LYPLAL1: variants seen among roughly 807,000 people sequenced by gnomAD.
LYPLAL1 encodes lysophospholipase-like protein 1.
A neutral mutation model predicts 19.7 loss-of-function variants in LYPLAL1; 23 were observed. The observed-to-expected ratio is 1.17, with a 90% CI of 0.84 to 1.65. The LOEUF is 1.65. Ranked by LOEUF, LYPLAL1 falls within the 40% of genes most tolerant of loss-of-function variation. The pLI is 0.00. For synonymous variants in LYPLAL1, 119 were observed against 96.3 expected, an observed-to-expected ratio of 1.24 and a Z score of -1.38; for missense variants, 355 against 279.4, an observed-to-expected ratio of 1.27 and a Z score of -1.93.
rs757530334 is a variant in LYPLAL1 at position 219,211,505 on chromosome 1, G to A, written c.491G>A (p.Ser164Asn). ...CTTCTTCTCTAGGCTCTTCAGAAGA[G>A]TAATGGTGTACTTCCTGAATTATTT... ...ASAVYQALQKSNGVLPELFQC... is the reference protein window; with the variant it reads ...ASAVYQALQKNNGVLPELFQC... Residue 164 changes from serine to asparagine, a missense_variant, in exon 5 of 5, where the codon AGT (serine) becomes AAT (asparagine). Ser to Asn is a conservative substitution (Grantham distance 46, BLOSUM62 1). Coordinates refer to ENST00000366928, the MANE Select transcript of LYPLAL1 (RefSeq NM_138794.5). 5.6e-6 allele frequency: 9 copies of A among 1,602,148 alleles called. No homozygotes were observed. The East Asian group carries it at 1.3e-4, about 24-fold the overall frequency.
chr1:219,358,235 T>C, the LYPLAL1 span, among the ~76,000 whole-genome samples: 1 of 152,150 alleles, frequency 6.6e-6, no homozygotes, highest in Non-Finnish European at 1.5e-5. Context: ...TTACAAAATA[T>C]GAAGTAACCT....
At chr1:219,278,552 T>C in the LYPLAL1 span, among the ~76,000 whole-genome samples, 10 of 152,208 alleles carry the variant, frequency 6.6e-5, no homozygotes, top group East Asian at 1.3e-3. Flanking sequence ...GGGGTTTGAA[T>C]TGAGGAAAGT....
chr1:219,179,357 T>TA, intron 2 of LYPLAL1, 111 bp downstream of exon 2: 1 of 778,438 alleles, frequency 1.3e-6, no homozygotes, highest in Non-Finnish European at 2.1e-6. Context: ...TAACATACTT[T>TA]AAATTAGAGT....
intron 2 of LYPLAL1, 24 bp from the exon 3 acceptor site, chr1:219,193,058 T>TTGGG: frequency 8.4e-7 from 1 of 1,192,560 alleles, no homozygotes; most frequent in Non-Finnish European, 1.1e-6. Context: ...TCTTTTTTTT[T>TTGGG]GGGGGGGGGC....
the LYPLAL1 span, among the ~76,000 whole-genome samples, chr1:219,227,462 C>A: frequency 6.6e-6 from 1 of 152,114 alleles, no homozygotes; most frequent in Non-Finnish European, 1.5e-5. Flanking sequence ...GTTATTTTTG[C>A]ATCTTTTTGT....
At chr1:219,400,677 TACAG>T in the LYPLAL1 span, among the ~76,000 whole-genome samples, 1 of 152,124 alleles carries the variant, frequency 6.6e-6, no homozygotes, top group African/African-American at 2.4e-5. Context: ...GTATTATTAG[TACAG>T]ACAGGGTGGG....
chr1:219,379,583 A>C, the LYPLAL1 span, among the ~76,000 whole-genome samples: 1 of 152,196 alleles, frequency 6.6e-6, no homozygotes, highest in Non-Finnish European at 1.5e-5. Context: ...CATCAAAGTC[A>C]TTCTCAGGAG....
At chr1:219,219,239 G>A in the LYPLAL1 span, among the ~76,000 whole-genome samples, 2 of 152,082 alleles carry the variant, frequency 1.3e-5, no homozygotes. Context: ...GGGATCATGG[G>A]CCCTCAGACT....
chr1:219,284,469 A>G, the LYPLAL1 span, among the ~76,000 whole-genome samples: 6 of 152,224 alleles, frequency 3.9e-5, no homozygotes, highest in Non-Finnish European at 4.4e-5. Flanking sequence ...TGCCTGTATC[A>G]AAATATTTCA....
At chr1:219,314,448 C>A in the LYPLAL1 span, among the ~76,000 whole-genome samples, 3 of 151,602 alleles carry the variant, frequency 2.0e-5, no homozygotes, top group Non-Finnish European at 4.4e-5. Flanking sequence ...TTTTCTTTTT[C>A]TTTTTTTCTT....
At chr1:219,224,233 A>G in the LYPLAL1 span, among the ~76,000 whole-genome samples, 1 of 152,230 alleles carries the variant, frequency 6.6e-6, no homozygotes, top group Non-Finnish European at 1.5e-5. Flanking sequence ...AACATGAACT[A>G]ACTGGCAAGA....
chr1:219,260,416 AAAT>A, the LYPLAL1 span, among the ~76,000 whole-genome samples: 1 of 151,796 alleles, frequency 6.6e-6, no homozygotes, highest in Non-Finnish European at 1.5e-5. Context: ...ATAAAGAAGG[AAAT>A]AATAAAGCAT....
At chr1:219,186,300 C>T (rs1245286576) in intron 2 of LYPLAL1, among the ~76,000 whole-genome samples, 5 of 151,676 alleles carry the variant, frequency 3.3e-5, no homozygotes, top group African/African-American at 7.3e-5. Context: ...TGCATTTCTG[C>T]GTGTCACGTT....
chr1:219,200,704 T>G (rs1658027738), intron 3 of LYPLAL1: 1 of 240,218 alleles, frequency 4.2e-6, no homozygotes, highest in Non-Finnish European at 8.5e-6. Context: ...CACATCTTGA[T>G]CTGCTTGCTC....
intron 3 of LYPLAL1, among the ~76,000 whole-genome samples, chr1:219,194,574 C>G (rs1657455333): frequency 6.6e-6 from 1 of 152,020 alleles, no homozygotes; most frequent in Non-Finnish European, 1.5e-5. Context: ...GTGATGAGTG[C>G]TCTAATGTGG....
chr1:219,353,744 T>C, the LYPLAL1 span, among the ~76,000 whole-genome samples: 4 of 152,248 alleles, frequency 2.6e-5, no homozygotes, highest in East Asian at 7.7e-4. Flanking sequence ...TAGCATCTGA[T>C]CAAACATTTC....
the LYPLAL1 span, among the ~76,000 whole-genome samples, chr1:219,339,488 C>T: frequency 2.0e-5 from 3 of 151,920 alleles, no homozygotes. Flanking sequence ...TTTTTAAAAA[C>T]AAAAAACTTT....
At chr1:219,444,514 C>A in the LYPLAL1 span, among the ~76,000 whole-genome samples, 1 of 152,158 alleles carries the variant, frequency 6.6e-6, no homozygotes, top group East Asian at 1.9e-4. Flanking sequence ...AAAATAAAAG[C>A]AAATGCCATA....
the LYPLAL1 span, among the ~76,000 whole-genome samples, chr1:219,425,587 A>G: frequency 6.6e-6 from 1 of 152,226 alleles, no homozygotes; most frequent in Admixed American, 6.5e-5. Context: ...TCACTTGTAG[A>G]ACAGGGACAA....
Sources: gnomAD v4.1 joint callset for allele counts (sites outside exome capture counted in the v4.1 genomes callset) on GRCh38, gnomAD v4.1.1 for gene constraint, MANE v1.5 for transcripts, NCBI Gene and HGNC (gene_info 2026-07-23, HGNC 2026-07-21) for gene names.